CLNK: variants seen among roughly 807,000 people sequenced by gnomAD.
CLNK encodes the protein cytokine dependent hematopoietic cell linker.
A neutral mutation model predicts 68.6 loss-of-function variants in CLNK; 74 were observed. The ratio of observed to expected loss-of-function variants is 1.08; its 90% CI spans 0.89 to 1.31. The LOEUF is 1.31. Among genes scored for constraint, CLNK ranks in the 50% most tolerant of loss-of-function variants. The pLI, the probability that CLNK is intolerant of heterozygous loss-of-function variation, is 0.00. For missense variants in CLNK, 553 were observed against 515.3 expected (o/e 1.07, Z -0.71); for synonymous variants, 198 against 172.2 (o/e 1.15, Z -1.17).
intron 17 of CLNK, among the ~76,000 whole-genome samples, chr4:10,504,385 G>C (rs1171561585): frequency 6.6e-6 from 1 of 152,138 alleles, no homozygotes; most frequent in Non-Finnish European, 1.5e-5. Flanking sequence ...CTCCCAAAGT[G>C]CTGGGATTAC....
chr4:10,669,229 A>T (rs1018705045), intron 1 of CLNK, among the ~76,000 whole-genome samples: 1 of 152,222 alleles, frequency 6.6e-6, no homozygotes, highest in Admixed American at 6.5e-5. Flanking sequence ...CCTGCCCTTA[A>T]GCCACTTCTA....
At chr4:10,708,604 A>G in the CLNK span, among the ~76,000 whole-genome samples, 1 of 152,222 alleles carries the variant, frequency 6.6e-6, no homozygotes, top group African/African-American at 2.4e-5. Context: ...AGAGGAGAGC[A>G]GAGGCCAGAG....
chr4:10,566,605 A>G (rs1159287689), intron 5 of CLNK, among the ~76,000 whole-genome samples: 1 of 152,256 alleles, frequency 6.6e-6, no homozygotes, highest in African/African-American at 2.4e-5. Context: ...TACAGGATTA[A>G]TATACCAAAT....
chr4:10,650,460 C>G (rs1723682246), intron 2 of CLNK, among the ~76,000 whole-genome samples: 1 of 151,996 alleles, frequency 6.6e-6, no homozygotes, highest in African/African-American at 2.4e-5. Context: ...TATAGTAAAA[C>G]TACAGAAAAC....
the CLNK span, among the ~76,000 whole-genome samples, chr4:10,701,856 T>C: frequency 6.6e-6 from 1 of 152,190 alleles, no homozygotes; most frequent in South Asian, 2.1e-4. Context: ...TTAAGAGGAA[T>C]CCCACACCAT....
chr4:10,497,859 C>G lies in CLNK; in HGVS notation c.1140+3397G>C, dbSNP rs2109021392. The stretch of plus-strand genomic sequence containing the variant: ...ACACCATGTCCACGTCCTCTATTCT[C>G]TAAGGAAAAAGAACCCTTAAACCCA... On this transcript the variant is annotated intron_variant, in intron 18 of 18. Transcript: ENST00000226951. Among the ~76,000 whole-genome samples, 4 of 152,360 alleles carry G rather than the reference C, an allele frequency of 2.6e-5. No individual in the cohort carries two copies. In the South Asian group the frequency reaches 8.3e-4, roughly 32 times the overall value.
the CLNK span, among the ~76,000 whole-genome samples, chr4:10,718,700 A>T: frequency 2.0e-5 from 3 of 152,168 alleles, no homozygotes; most frequent in Non-Finnish European, 4.4e-5. Flanking sequence ...AAATATGTTA[A>T]GAAATCTTGG....
the CLNK span, among the ~76,000 whole-genome samples, chr4:10,727,655 G>A: frequency 1.3e-5 from 2 of 152,192 alleles, no homozygotes; most frequent in African/African-American, 2.4e-5. Context: ...AAGGGTGAGG[G>A]GACAGTCATC....
intron 2 of CLNK, among the ~76,000 whole-genome samples, chr4:10,663,390 T>C (rs1473457297): frequency 1.3e-5 from 2 of 152,208 alleles, no homozygotes; most frequent in Non-Finnish European, 2.9e-5. Flanking sequence ...ACTCTCTATG[T>C]AATACGGAAA....
At chr4:10,630,122 T>C (rs1409559744) in intron 2 of CLNK, among the ~76,000 whole-genome samples, 5 of 152,172 alleles carry the variant, frequency 3.3e-5, no homozygotes, top group Non-Finnish European at 5.9e-5. Flanking sequence ...TCCAGAAAAT[T>C]GGATTATTGT....
intron 2 of CLNK, among the ~76,000 whole-genome samples, chr4:10,610,141 C>T (rs1180694518): frequency 2.6e-4 from 36 of 140,474 alleles, no homozygotes; most frequent in African/African-American, 9.1e-4. Context: ...ACTGCAAGCT[C>T]CGCCTTCCGG....
intron 7 of CLNK, among the ~76,000 whole-genome samples, chr4:10,558,910 G>C (rs1719782670): frequency 6.6e-6 from 1 of 152,124 alleles, no homozygotes; most frequent in Non-Finnish European, 1.5e-5. Context: ...TGCTGACTGT[G>C]AGAACATGAC....
upstream of CLNK, among the ~76,000 whole-genome samples, chr4:10,689,326 G>T (rs1440111476): frequency 6.6e-6 from 1 of 151,936 alleles, no homozygotes; most frequent in Non-Finnish European, 1.5e-5. Context: ...GTAGAGATGG[G>T]ATCTCCCTAT....
intron 3 of CLNK, among the ~76,000 whole-genome samples, chr4:10,594,414 C>T (rs566402777): frequency 1.3e-4 from 20 of 152,212 alleles, no homozygotes; most frequent in East Asian, 5.8e-4. Context: ...TGCTTCCATC[C>T]GAGGTTCTCT....
At chr4:10,578,295 A>AT (rs1013388865) in intron 4 of CLNK, among the ~76,000 whole-genome samples, 14 of 152,188 alleles carry the variant, frequency 9.2e-5, no homozygotes, top group Non-Finnish European at 1.9e-4. Flanking sequence ...TTTAGTGCTC[A>AT]TTTTTAAGCA....
At chr4:10,669,290 A>G (rs1465877904) in intron 1 of CLNK, among the ~76,000 whole-genome samples, 2 of 152,210 alleles carry the variant, frequency 1.3e-5, no homozygotes, top group East Asian at 3.8e-4. Context: ...CCCTCCTCTT[A>G]TTAAAATGTT....
intron 11 of CLNK, among the ~76,000 whole-genome samples, chr4:10,532,608 T>C (rs1275744181): frequency 6.6e-6 from 1 of 152,222 alleles, no homozygotes; most frequent in Non-Finnish European, 1.5e-5. Context: ...ATTGGCACAG[T>C]CAGACCTATT....
At chr4:10,613,259 G>T (rs1722099902) in intron 2 of CLNK, among the ~76,000 whole-genome samples, 1 of 152,140 alleles carries the variant, frequency 6.6e-6, no homozygotes. Context: ...GGTGGGGTGG[G>T]CAGGTGGGTA....
chr4:10,699,512 A>ATTTT, the CLNK span, among the ~76,000 whole-genome samples: 303 of 32,688 alleles, frequency 9.3e-3, 14 homozygotes, highest in African/African-American at 0.028. Context: ...ATATATATAT[A>ATTTT]TTTTTTTTTT....
Sources: allele counts gnomAD v4.1 joint callset (sites outside exome capture counted in the v4.1 genomes callset), GRCh38; gene constraint gnomAD v4.1.1; transcripts MANE v1.5; gene names NCBI Gene and HGNC (gene_info 2026-07-23, HGNC 2026-07-21).